GALNT14: variants seen among roughly 807,000 people sequenced by gnomAD.
The protein encoded by GALNT14 is UDP-GalNAc:polypeptide N-acetylgalactosaminyltransferase 14.
In GALNT14, 60 loss-of-function variants were observed where a neutral mutation model predicts 77.5. The observed-to-expected ratio is 0.77, with a 90% confidence interval of 0.63 to 0.96. The LOEUF (loss-of-function observed/expected upper bound fraction) is 0.96, where lower values mean the gene tolerates loss of function less well. Among genes scored for constraint, GALNT14 ranks in the 40% least tolerant of loss-of-function variants. GALNT14 has a pLI of 0.00. For synonymous variants in GALNT14, 280 were observed against 281.7 expected (o/e 0.99, Z 0.06); for missense variants, 710 against 731.0 (o/e 0.97, Z 0.33).
intron 13 of GALNT14, among the ~76,000 whole-genome samples, chr2:30,914,200 A>G (rs577830690): frequency 1.3e-5 from 2 of 152,304 alleles, no homozygotes; most frequent in East Asian, 1.9e-4. Context: ...TCCTCATTTT[A>G]TAGATGATGA....
chr2:31,040,904 C>T lies in GALNT14; in HGVS notation c.130-47897G>A, dbSNP rs140922818. ...TGAATGAAAGAATAAACAAACCCGACGCCAGAATGCCTGGGATGAATTCCC... is the reference window on the plus strand; with the variant it reads ...TGAATGAAAGAATAAACAAACCCGATGCCAGAATGCCTGGGATGAATTCCC... On this transcript the variant is annotated intron_variant, in intron 1 of 14. Coordinates refer to ENST00000349752, the MANE Select transcript of GALNT14 (RefSeq NM_024572.4). 4.7e-3 allele frequency among the ~76,000 whole-genome samples: 712 copies of T among 152,326 alleles called. 2 individuals carry two copies. The highest frequency in any genetic ancestry group is 0.031 in the Middle Eastern group (9 of 294).
intron 2 of GALNT14, among the ~76,000 whole-genome samples, 165 bp downstream of exon 2, chr2:30,992,673 C>T (rs562345270): frequency 6.6e-6 from 1 of 152,324 alleles, no homozygotes; most frequent in East Asian, 1.9e-4. Context: ...GTAGGCAACA[C>T]AGCCAGGGTC....
intron 11 of GALNT14, among the ~76,000 whole-genome samples, chr2:30,928,502 T>G (rs77955951): frequency 3.3e-5 from 5 of 152,146 alleles, no homozygotes; most frequent in Admixed American, 1.3e-4. Flanking sequence ...TGTAGAAGCC[T>G]CAGTCTCCTC....
chr2:30,999,635 A>C (rs953318323), intron 1 of GALNT14, among the ~76,000 whole-genome samples: 1 of 152,248 alleles, frequency 6.6e-6, no homozygotes, highest in Non-Finnish European at 1.5e-5. Context: ...CATAGAGGCT[A>C]CCTTTTATAT....
chr2:31,051,817 C>A (rs1428069384), intron 1 of GALNT14, among the ~76,000 whole-genome samples: 1 of 152,202 alleles, frequency 6.6e-6, no homozygotes, highest in Non-Finnish European at 1.5e-5. Context: ...CAAAATAAAG[C>A]CTTCACATTG....
At chr2:31,008,732 C>T (rs1349867987) in intron 1 of GALNT14, among the ~76,000 whole-genome samples, 1 of 152,202 alleles carries the variant, frequency 6.6e-6, no homozygotes, top group East Asian at 1.9e-4. Context: ...AATTTTAAAG[C>T]GGTTGTTAAT....
chr2:31,090,759 G>A (rs1385077674), intron 1 of GALNT14, among the ~76,000 whole-genome samples: 2 of 151,668 alleles, frequency 1.3e-5, no homozygotes, highest in Admixed American at 1.3e-4. Context: ...TGGGATTACA[G>A]GCATGAGCCA....
chr2:30,947,241 C>A (rs1666752306), intron 6 of GALNT14, among the ~76,000 whole-genome samples: 1 of 152,262 alleles, frequency 6.6e-6, no homozygotes, highest in East Asian at 1.9e-4. Flanking sequence ...GCAAATCTGA[C>A]TCTGCCACTC....
intron 2 of GALNT14, among the ~76,000 whole-genome samples, chr2:30,978,868 A>C (rs1668807640): frequency 6.6e-6 from 1 of 152,210 alleles, no homozygotes; most frequent in South Asian, 2.1e-4. Flanking sequence ...TCTGCAATGC[A>C]CAGCAAGGGG....
the GALNT14 span, among the ~76,000 whole-genome samples, chr2:30,896,628 C>T: frequency 5.9e-5 from 9 of 152,148 alleles, no homozygotes; most frequent in Non-Finnish European, 1.0e-4. Flanking sequence ...GTGGTTGCTA[C>T]GCTACTAGTA....
rs138587601 is a variant in GALNT14, at chr2:31,032,137, G to A, written c.130-39130C>T. Among the ~76,000 whole-genome samples the A allele has an allele frequency of 3.6e-3, 547 of 152,322 alleles. 7 individuals are homozygous for A. The highest frequency in any genetic ancestry group is 0.013 in the African/African-American group (529 of 41,584). On this transcript the variant is annotated intron_variant, in intron 1 of 14. Transcript: ENST00000349752. ...ATGGGTCCTTGAGGCCTACGGTAATGAGGCCAGCTCCCTGATGTAGGGGAC... is the reference window on the plus strand; with the variant it reads ...ATGGGTCCTTGAGGCCTACGGTAATAAGGCCAGCTCCCTGATGTAGGGGAC...
intron 1 of GALNT14, chr2:31,125,166 G>A: frequency 6.5e-7 from 1 of 1,549,304 alleles, no homozygotes; most frequent in Non-Finnish European, 8.7e-7. Context: ...GTAGGAAGAT[G>A]CCCTCTTTGG....
At chr2:30,919,073 G>A (rs147779639) in intron 13 of GALNT14, among the ~76,000 whole-genome samples, 141 of 152,266 alleles carry the variant, frequency 9.3e-4, no homozygotes, top group African/African-American at 3.0e-3. Flanking sequence ...AAAAGGACGA[G>A]CTAAAAATAT....
chr2:30,947,423 G>T (rs1666767467), intron 6 of GALNT14, among the ~76,000 whole-genome samples: 1 of 152,192 alleles, frequency 6.6e-6, no homozygotes, highest in Non-Finnish European at 1.5e-5. Context: ...TTCAAAATAT[G>T]CAAGCCTAAG....
intron 9 of GALNT14, among the ~76,000 whole-genome samples, chr2:30,934,548 C>G (rs898813658): frequency 2.0e-5 from 3 of 152,154 alleles, no homozygotes; most frequent in Admixed American, 6.6e-5. Flanking sequence ...GGCCTCTACC[C>G]CATGCCCCAC....
chr2:31,085,358 G>T (rs188063005), intron 1 of GALNT14, among the ~76,000 whole-genome samples: 1 of 152,332 alleles, frequency 6.6e-6, no homozygotes, highest in African/African-American at 2.4e-5. Flanking sequence ...AGAGGGAGGG[G>T]CTCGTGCTAA....
intron 1 of GALNT14, among the ~76,000 whole-genome samples, chr2:31,011,666 C>T (rs954578068): frequency 2.6e-5 from 4 of 152,130 alleles, no homozygotes; most frequent in African/African-American, 9.7e-5. Context: ...ACTGGCAGAC[C>T]TGTCTGGCAG....
the GALNT14 span, among the ~76,000 whole-genome samples, chr2:30,886,994 C>A: frequency 3.3e-5 from 5 of 152,242 alleles, no homozygotes; most frequent in Non-Finnish European, 5.9e-5. Context: ...TGGAATCATA[C>A]AATATGAGAC....
chr2:31,024,875 C>T (rs1322550302), intron 1 of GALNT14, among the ~76,000 whole-genome samples: 1 of 152,152 alleles, frequency 6.6e-6, no homozygotes, highest in Non-Finnish European at 1.5e-5. Flanking sequence ...CGGCAGGGCT[C>T]TAGGACCATG....
Sources: allele counts gnomAD v4.1 joint callset (sites outside exome capture counted in the v4.1 genomes callset), GRCh38; gene constraint gnomAD v4.1.1; transcripts MANE v1.5; gene names NCBI Gene and HGNC (gene_info 2026-07-23, HGNC 2026-07-21).